The following LSM14A variants were observed in gnomAD, a reference collection of about 807,000 sequenced individuals.
LSM14A encodes LSM14A mRNA processing body assembly factor, also known as protein LSM14 homolog A.
A neutral mutation model predicts 52.4 loss-of-function variants in LSM14A; 14 were observed. That is an observed-to-expected ratio of 0.27 (90% CI 0.18 to 0.42). LSM14A has a LOEUF of 0.42. Among genes scored for constraint, LSM14A ranks in the 10% least tolerant of loss-of-function variants. The pLI, the probability that LSM14A is intolerant of heterozygous loss-of-function variation, is 1.00. For missense variants in LSM14A, 417 were observed against 581.8 expected (o/e 0.72, Z 2.91); for synonymous variants, 185 against 200.3 (o/e 0.92, Z 0.64).
intron 1 of LSM14A, among the ~76,000 whole-genome samples, chr19:34,179,213 T>C (rs144527348): frequency 1.2e-3 from 189 of 152,322 alleles, no homozygotes; most frequent in African/African-American, 4.2e-3. Context: ...GGTGGAAGAA[T>C]AGAAAAACAA....
chr19:34,201,679 A>C (rs1434037235), intron 3 of LSM14A, among the ~76,000 whole-genome samples: 3 of 152,064 alleles, frequency 2.0e-5, no homozygotes, highest in Non-Finnish European at 2.9e-5. Flanking sequence ...ACCACATTTT[A>C]AGCTAGGCCT....
chr19:34,176,504 G>A (rs1195907366), intron 1 of LSM14A, among the ~76,000 whole-genome samples: 1 of 152,002 alleles, frequency 6.6e-6, no homozygotes, highest in East Asian at 1.9e-4. Flanking sequence ...ATGTTCTTCT[G>A]ACATTTATAG....
chr19:34,212,933 T>C (rs898430847), intron 4 of LSM14A, among the ~76,000 whole-genome samples: 2 of 152,188 alleles, frequency 1.3e-5, no homozygotes, highest in African/African-American at 2.4e-5. Context: ...TATAAGATGA[T>C]TTAATGTAGT....
In LSM14A at chr19:34,215,138, C is replaced by T; in HGVS notation, c.553C>T (p.Gln185Ter). Residue 185 changes from glutamine to a stop codon, truncating the protein, a stop_gained, in exon 5 of 10, where the codon CAG becomes TAG. Transcript: ENST00000544216. LOFTEE classifies it high-confidence loss of function. ...TQLSQGRSSPQLDPLRKSPTM... is the reference protein window; with the variant it reads ...TQLSQGRSSP ...TTACATTTTAGGTCGCTCAAGCCCT[C>T]AGTTAGACCCTTTGAGAAAAAGCCC... 1 of 1,612,244 alleles carries T rather than the reference C, an allele frequency of 6.2e-7. No homozygotes were observed. The highest frequency in any genetic ancestry group is 8.5e-7 in the Non-Finnish European group (1 of 1,179,504).
At chr19:34,225,164 C>T (rs1435609052) in intron 9 of LSM14A, among the ~76,000 whole-genome samples, 1 of 152,174 alleles carries the variant, frequency 6.6e-6, no homozygotes, top group African/African-American at 2.4e-5. Context: ...CCATAGTGGG[C>T]TTGAAGTAAT....
chr19:34,194,485 C>T lies in LSM14A; in HGVS notation c.129C>T (p.Ser43=), dbSNP rs1182645675. 8 of 1,613,952 alleles carry T rather than the reference C, an allele frequency of 5.0e-6. No homozygotes were observed. Among genetic ancestry groups the T allele is most frequent in the Non-Finnish European group, 6.8e-6 (8 of 1,179,966 alleles). ...CCTTTGTTTTCTTGCCAGTTCGATC[C>T]TTTGGTACAGAAGACAGACCGACAG... ...NSTVALAKVR[S]FGTEDRPTDR... is the part of the protein sequence containing the mutation. The change falls in exon 2 of 10, where the codon TCC becomes TCT. Residue 43 remains serine (S), a synonymous_variant. Coordinates refer to ENST00000544216, the MANE Select transcript of LSM14A (RefSeq NM_015578.4).
chr19:34,193,531 G>A (rs1192497941), intron 1 of LSM14A, among the ~76,000 whole-genome samples: 1 of 152,150 alleles, frequency 6.6e-6, no homozygotes, highest in Non-Finnish European at 1.5e-5. Flanking sequence ...ATCTTTATTC[G>A]TAGCCAGTTT....
chr19:34,216,953 C>T (rs1237839302), intron 6 of LSM14A, among the ~76,000 whole-genome samples: 4 of 152,160 alleles, frequency 2.6e-5, no homozygotes, highest in South Asian at 2.1e-4. Flanking sequence ...AAGTTTGAAA[C>T]GTTTCCTCAT....
intron 6 of LSM14A, among the ~76,000 whole-genome samples, chr19:34,218,721 T>G (rs1417679205): frequency 1.3e-5 from 2 of 152,198 alleles, no homozygotes; most frequent in Non-Finnish European, 2.9e-5. Context: ...CTTTATCATG[T>G]CTCTTATGAT....
intron 1 of LSM14A, among the ~76,000 whole-genome samples, chr19:34,191,646 T>C (rs2070392651): frequency 6.6e-6 from 1 of 152,150 alleles, no homozygotes; most frequent in Admixed American, 6.6e-5. Flanking sequence ...CAGATTCTCT[T>C]TTTACTTGAC....
At chr19:34,180,284 T>C (rs113890866) in intron 1 of LSM14A, among the ~76,000 whole-genome samples, 151 of 152,308 alleles carry the variant, frequency 9.9e-4, no homozygotes, top group African/African-American at 3.5e-3. Flanking sequence ...CCAAGGGCCT[T>C]ATTCTAGTTT....
In LSM14A at chr19:34,201,882, C is replaced by T. The variant is rs1019157779; in HGVS notation, c.415+5119C>T. On this transcript the variant is annotated intron_variant, in intron 3 of 9. Transcript: ENST00000544216. ...TGTCATCCAGGCTGGAGTACAGTGG[C>T]ACAACCACAGGTCGCTGCAGCCTAG... Among the ~76,000 whole-genome samples, 45 of 152,142 alleles carry T rather than the reference C, an allele frequency of 3.0e-4. 1 individual carries two copies. The highest frequency in any genetic ancestry group is 9.6e-4 in the African/African-American group (40 of 41,506).
chr19:34,201,809 A>G (rs1328107760), intron 3 of LSM14A, among the ~76,000 whole-genome samples: 2 of 151,968 alleles, frequency 1.3e-5, no homozygotes, highest in Non-Finnish European at 2.9e-5. Context: ...TGTTATTACT[A>G]TTGCTTTTTA....
intron 3 of LSM14A, among the ~76,000 whole-genome samples, chr19:34,199,250 G>T (rs1052965126): frequency 6.6e-6 from 1 of 151,788 alleles, no homozygotes; most frequent in Non-Finnish European, 1.5e-5. Flanking sequence ...TCAACCTCCC[G>T]AGTAGCTGGG....
At chr19:34,197,979 C>T (rs775105700) in intron 3 of LSM14A, among the ~76,000 whole-genome samples, 2 of 151,184 alleles carry the variant, frequency 1.3e-5, no homozygotes, top group Non-Finnish European at 2.9e-5. Context: ...GTTTTTATAG[C>T]TATGCATTTT....
At chr19:34,203,471 G>A (rs373671251) in intron 3 of LSM14A, among the ~76,000 whole-genome samples, 1 of 152,034 alleles carries the variant, frequency 6.6e-6, no homozygotes, top group African/African-American at 2.4e-5. Context: ...AAGCCAGGGG[G>A]GTGTTTCAAC....
intron 1 of LSM14A, among the ~76,000 whole-genome samples, chr19:34,177,031 C>T (rs943921239): frequency 6.6e-5 from 10 of 152,138 alleles, no homozygotes; most frequent in Admixed American, 2.6e-4. Context: ...TGGGGCTGAC[C>T]AGCTTTTCAT....
chr19:34,188,160 C>T (rs374094956), intron 1 of LSM14A, among the ~76,000 whole-genome samples: 7 of 151,952 alleles, frequency 4.6e-5, no homozygotes, highest in African/African-American at 1.7e-4. Context: ...AGTGTGTGTG[C>T]CTGTAGTTCT....
In LSM14A at chr19:34,199,303, G is replaced by T. The variant is rs544488540; in HGVS notation, c.415+2540G>T. Reference sequence around the variant, plus strand: ...CCACTCCCGGCTAGATTTTTCTTTTGTATTTTTTGTGGAGACAGGGTTTCC... The same window carrying T: ...CCACTCCCGGCTAGATTTTTCTTTTTTATTTTTTGTGGAGACAGGGTTTCC... On this transcript the variant is annotated intron_variant, in intron 3 of 9. Coordinates refer to ENST00000544216, the MANE Select transcript of LSM14A (RefSeq NM_015578.4). Among the ~76,000 whole-genome samples the T allele has an allele frequency of 7.0e-4, 107 of 151,910 alleles. 1 individual carries two copies. Among genetic ancestry groups the T allele is most frequent in the African/African-American group, 2.2e-3 (92 of 41,454 alleles).
Sources: allele counts gnomAD v4.1 joint callset (sites outside exome capture counted in the v4.1 genomes callset), GRCh38; gene constraint gnomAD v4.1.1; transcripts MANE v1.5; gene names NCBI Gene and HGNC (gene_info 2026-07-23, HGNC 2026-07-21).